KHDRBS2: variants seen among roughly 807,000 people sequenced by gnomAD.
KHDRBS2 encodes the protein KH domain-containing, RNA-binding, signal transduction-associated protein 2.
In KHDRBS2, 26 loss-of-function variants were observed where a neutral mutation model predicts 44.3. The observed-to-expected ratio is 0.59, with a 90% CI of 0.43 to 0.81. KHDRBS2 has a LOEUF of 0.81. Among genes scored for constraint, KHDRBS2 ranks in the 40% least tolerant of loss-of-function variants. KHDRBS2 has a pLI of 0.00. For synonymous variants in KHDRBS2, 194 were observed against 151.1 expected (o/e 1.28, Z -2.08); for missense variants, 476 against 433.1 (o/e 1.10, Z -0.88).
chr6:62,167,343 T>C (rs1464198106), intron 2 of KHDRBS2, among the ~76,000 whole-genome samples: 2 of 152,024 alleles, frequency 1.3e-5, no homozygotes, highest in African/African-American at 4.8e-5. Context: ...CATGACTCAA[T>C]GTGGGATGAA....
At chr6:61,677,788 C>A (rs191444408), downstream of KHDRBS2, among the ~76,000 whole-genome samples, 31 of 151,972 alleles carry the variant, frequency 2.0e-4, no homozygotes, top group Admixed American at 1.6e-3. Context: ...CTTCTGCTTT[C>A]CTCTCAAACA....
chr6:62,265,208 G>A (rs1838996114), intron 1 of KHDRBS2, among the ~76,000 whole-genome samples: 1 of 151,896 alleles, frequency 6.6e-6, no homozygotes, highest in African/African-American at 2.4e-5. Flanking sequence ...TATTTATCTA[G>A]AAAATGAGCT....
chr6:61,695,024 A>G (rs765037196), intron 8 of KHDRBS2, among the ~76,000 whole-genome samples: 16 of 152,108 alleles, frequency 1.1e-4, no homozygotes, highest in Non-Finnish European at 1.6e-4. Context: ...TTTTTCCTGA[A>G]AAATAGTATA....
At chr6:62,137,124 C>T (rs1811733094) in intron 2 of KHDRBS2, among the ~76,000 whole-genome samples, 2 of 150,712 alleles carry the variant, frequency 1.3e-5, no homozygotes, top group Admixed American at 6.6e-5. Flanking sequence ...CCTCAGCCTC[C>T]TGAGTAGCTG....
At chr6:61,776,266 G>T (rs1051631087) in intron 6 of KHDRBS2, among the ~76,000 whole-genome samples, 2 of 152,034 alleles carry the variant, frequency 1.3e-5, no homozygotes, top group Non-Finnish European at 2.9e-5. Flanking sequence ...AAAAGCAATG[G>T]CAACAAAAGC....
chr6:61,584,424 T>C, the KHDRBS2 span, among the ~76,000 whole-genome samples: 1 of 151,912 alleles, frequency 6.6e-6, no homozygotes, highest in African/African-American at 2.4e-5. Flanking sequence ...TGGGTAGTTA[T>C]CAAAAACACC....
intron 6 of KHDRBS2, among the ~76,000 whole-genome samples, chr6:61,775,040 C>T (rs144977442): frequency 0.012 from 1,820 of 152,112 alleles, 44 homozygotes; most frequent in African/African-American, 0.042. Flanking sequence ...AAGACAAAAA[C>T]CACATGATTA....
chr6:61,973,541 C>T (rs1306141551), intron 4 of KHDRBS2, among the ~76,000 whole-genome samples: 1 of 152,032 alleles, frequency 6.6e-6, no homozygotes, highest in Non-Finnish European at 1.5e-5. Flanking sequence ...ACCCTAATTC[C>T]CCCATTTCAA....
chr6:61,846,194 C>T (rs920567700), intron 6 of KHDRBS2, among the ~76,000 whole-genome samples: 3 of 152,172 alleles, frequency 2.0e-5, no homozygotes, highest in African/African-American at 7.2e-5. Flanking sequence ...TTATACATTT[C>T]CCAGTCTCAG....
At chr6:62,064,481 C>T (rs1461132028) in intron 2 of KHDRBS2, among the ~76,000 whole-genome samples, 4 of 145,786 alleles carry the variant, frequency 2.7e-5, no homozygotes, top group African/African-American at 5.1e-5. Context: ...ACGCCGCATA[C>T]CTACAACTAT....
chr6:61,826,706 A>T (rs1226839533), intron 6 of KHDRBS2, among the ~76,000 whole-genome samples: 2 of 152,162 alleles, frequency 1.3e-5, no homozygotes, highest in Non-Finnish European at 2.9e-5. Context: ...AGTGTTTAAA[A>T]TAATAGGATG....
intron 2 of KHDRBS2, among the ~76,000 whole-genome samples, chr6:62,145,999 T>A (rs879586444): frequency 1.3e-5 from 2 of 151,880 alleles, no homozygotes; most frequent in Admixed American, 6.6e-5. Flanking sequence ...ATATCTTCCT[T>A]TCAGTTTCCC....
At chr6:61,568,062 T>A in the KHDRBS2 span, among the ~76,000 whole-genome samples, 1 of 152,158 alleles carries the variant, frequency 6.6e-6, no homozygotes, top group South Asian at 2.1e-4. Context: ...CATGTGGCTA[T>A]CCAATTTTTC....
chr6:61,566,020 TG>T, the KHDRBS2 span, among the ~76,000 whole-genome samples: 1 of 151,832 alleles, frequency 6.6e-6, no homozygotes, highest in Non-Finnish European at 1.5e-5. Flanking sequence ...TGTGTGTGTG[TG>T]TGTGTGCATG....
intron 2 of KHDRBS2, among the ~76,000 whole-genome samples, chr6:62,176,513 C>T (rs917087448): frequency 1.3e-5 from 2 of 151,220 alleles, no homozygotes; most frequent in African/African-American, 4.8e-5. Context: ...CAGCTTGAAT[C>T]TTTGAGTTTA....
intron 6 of KHDRBS2, among the ~76,000 whole-genome samples, chr6:61,832,021 G>T (rs1791907278): frequency 6.6e-6 from 1 of 152,144 alleles, no homozygotes; most frequent in South Asian, 2.1e-4. Flanking sequence ...TGGGAGGACT[G>T]ATTGAGTCCA....
intron 6 of KHDRBS2, among the ~76,000 whole-genome samples, chr6:61,775,191 A>C (rs1029145871): frequency 6.6e-6 from 1 of 152,140 alleles, no homozygotes; most frequent in African/African-American, 2.4e-5. Context: ...TATCATACTG[A>C]ATGGGCAAAA....
intron 2 of KHDRBS2, among the ~76,000 whole-genome samples, chr6:62,075,415 A>G (rs1199918154): frequency 6.6e-6 from 1 of 151,952 alleles, no homozygotes; most frequent in Non-Finnish European, 1.5e-5. Context: ...TTTGTTGTTT[A>G]TAAATAACCC....
chr6:62,083,018 G>T (rs988691610), intron 2 of KHDRBS2, among the ~76,000 whole-genome samples: 3 of 152,106 alleles, frequency 2.0e-5, no homozygotes, highest in Non-Finnish European at 4.4e-5. Flanking sequence ...AAAGGGCAGG[G>T]TCCCTGGTGA....
Sources: allele counts gnomAD v4.1 joint callset (sites outside exome capture counted in the v4.1 genomes callset), GRCh38; gene constraint gnomAD v4.1.1; transcripts MANE v1.5; gene names NCBI Gene and HGNC (gene_info 2026-07-23, HGNC 2026-07-21).